The following DNMBP variants were observed in gnomAD, a reference collection of about 807,000 sequenced individuals.
DNMBP encodes dynamin-binding protein.
Under a neutral mutation model 150.0 loss-of-function variants are expected in DNMBP, and 87 were observed. That is an observed-to-expected ratio of 0.58 (90% CI 0.49 to 0.69). DNMBP has a LOEUF of 0.69. Ranked by LOEUF, DNMBP falls within the 30% of genes least tolerant of loss-of-function variation. DNMBP has a pLI of 0.00. For synonymous variants in DNMBP, 711 were observed against 750.4 expected (o/e 0.95, Z 0.86); for missense variants, 1,774 against 1,949.0 (o/e 0.91, Z 1.69).
intron 4 of DNMBP, chr10:99,914,017 T>C: frequency 6.6e-7 from 1 of 1,509,792 alleles, no homozygotes; most frequent in African/African-American, 1.4e-5. Flanking sequence ...CGGGACAGAA[T>C]CTTCCCAGAG....
intron 1 of DNMBP, among the ~76,000 whole-genome samples, chr10:99,975,535 C>T (rs1055975147): frequency 1.3e-5 from 2 of 152,116 alleles, no homozygotes; most frequent in South Asian, 2.1e-4. Context: ...CTTTGTGTTA[C>T]TTATTATAGA....
intron 3 of DNMBP, among the ~76,000 whole-genome samples, chr10:99,962,839 C>G (rs145107607): frequency 6.6e-6 from 1 of 152,150 alleles, no homozygotes; most frequent in Non-Finnish European, 1.5e-5. Flanking sequence ...TAGAATTATG[C>G]TATTTTCCTT....
At chr10:99,916,337 C>T (rs1040863523) in intron 4 of DNMBP, among the ~76,000 whole-genome samples, 1 of 152,216 alleles carries the variant, frequency 6.6e-6, no homozygotes, top group Admixed American at 6.5e-5. Flanking sequence ...GTGGCGTGTG[C>T]CTGTAATCCC....
chr10:99,907,484 C>T (rs2039841449), intron 6 of DNMBP, among the ~76,000 whole-genome samples: 2 of 151,480 alleles, frequency 1.3e-5, no homozygotes, highest in South Asian at 2.1e-4. Flanking sequence ...CTCACTGCAG[C>T]CTCAACCTCC....
intron 4 of DNMBP, among the ~76,000 whole-genome samples, chr10:99,944,131 C>T (rs1436003446): frequency 2.0e-5 from 3 of 152,072 alleles, no homozygotes; most frequent in Admixed American, 6.6e-5. Flanking sequence ...TGACCCACAC[C>T]GAAAGTAGCC....
chr10:99,908,584 T>C (rs1482042813), intron 5 of DNMBP, among the ~76,000 whole-genome samples: 2 of 152,162 alleles, frequency 1.3e-5, no homozygotes, highest in Non-Finnish European at 2.9e-5. Flanking sequence ...CTGGATAAAC[T>C]CTATATGAAC....
intron 4 of DNMBP, among the ~76,000 whole-genome samples, chr10:99,946,303 A>G (rs771589845): frequency 1.3e-5 from 2 of 152,240 alleles, no homozygotes; most frequent in Admixed American, 6.5e-5. Context: ...ACCAACATCA[A>G]CATAAAATGA....
Position 99,957,408 on chromosome 10 carries a change from C to T in DNMBP, c.269-203G>A, listed in dbSNP as rs370222036. The stretch of plus-strand genomic sequence containing the variant: ...TAGTTTTCAGAGTGTTCCATGGAAC[C>T]CTACAGGTGGGTCTCCAAGATCCTA... On this transcript the variant is annotated intron_variant, in intron 3 of 16. Transcript: ENST00000324109. 2.6e-4 allele frequency: 156 copies of T among 598,928 alleles called. 1 individual carries two copies. In the African/African-American group the frequency reaches 2.6e-3, roughly 10 times the overall value. 37.1% of individuals were successfully genotyped at this position (598,928 alleles called of 1,614,324 possible).
At chr10:99,905,354 G>C (rs1396763428) in intron 6 of DNMBP, among the ~76,000 whole-genome samples, 2 of 152,222 alleles carry the variant, frequency 1.3e-5, no homozygotes, top group African/African-American at 4.8e-5. Context: ...AGAAAGACTT[G>C]AGTTTGAATG....
chr10:99,977,458 G>A (rs1315639123), intron 1 of DNMBP, among the ~76,000 whole-genome samples: 1 of 152,178 alleles, frequency 6.6e-6, no homozygotes, highest in South Asian at 2.1e-4. Context: ...AGAGAACACC[G>A]AGGAAATTAC....
At chr10:99,959,320 T>A (rs930455316) in intron 3 of DNMBP, among the ~76,000 whole-genome samples, 3 of 152,092 alleles carry the variant, frequency 2.0e-5, no homozygotes, top group Admixed American at 1.3e-4. Flanking sequence ...AAAAGCTCTT[T>A]GGGAAAAATA....
At chr10:99,975,881 T>G (rs1305753565) in intron 1 of DNMBP, among the ~76,000 whole-genome samples, 1 of 152,230 alleles carries the variant, frequency 6.6e-6, no homozygotes, top group African/African-American at 2.4e-5. Flanking sequence ...TAACAGTGCC[T>G]AACATTCATT....
chr10:99,950,718 G>A (rs1165869244), intron 4 of DNMBP, among the ~76,000 whole-genome samples: 1 of 152,164 alleles, frequency 6.6e-6, no homozygotes, highest in African/African-American at 2.4e-5. Flanking sequence ...TAGGGTATCT[G>A]GCAGAAAAAA....
intron 1 of DNMBP, among the ~76,000 whole-genome samples, chr10:99,999,036 T>C (rs1402580705): frequency 3.9e-5 from 6 of 152,266 alleles, no homozygotes; most frequent in African/African-American, 4.8e-5. Flanking sequence ...GGTTTCTGTC[T>C]GCAGCTGTCA....
At chr10:99,891,154 C>G (rs1246199867) in intron 11 of DNMBP, among the ~76,000 whole-genome samples, 1 of 150,782 alleles carries the variant, frequency 6.6e-6, no homozygotes, top group Non-Finnish European at 1.5e-5. Flanking sequence ...CTAGAACTCC[C>G]TCTCCCTCTC....
chr10:99,964,135 CTTTTTT>C (rs895801002), intron 3 of DNMBP, among the ~76,000 whole-genome samples: 1 of 87,236 alleles, frequency 1.1e-5, no homozygotes, highest in South Asian at 4.3e-4. Context: ...TATTCTCTCT[CTTTTTT>C]TTTTTTTTTT....
intron 4 of DNMBP, among the ~76,000 whole-genome samples, chr10:99,931,999 G>C (rs773652893): frequency 7.9e-5 from 12 of 152,228 alleles, no homozygotes; most frequent in African/African-American, 9.6e-5. Flanking sequence ...GAAAATAAGA[G>C]AGGAGGCTGA....
At chr10:99,894,876 G>T in intron 11 of DNMBP, 70 bp downstream of exon 11, 1 of 1,198,414 alleles carries the variant, frequency 8.3e-7, no homozygotes, top group Non-Finnish European at 1.2e-6. Flanking sequence ...TAAACAATAT[G>T]ACTGATGAAC....
rs556632845 is a variant in DNMBP, at chr10:99,907,895, C to T, written c.2554+100G>A. On this transcript the variant is annotated intron_variant, in intron 6 of 16. Transcript: ENST00000324109. Reference sequence around the variant, plus strand: ...CTGGACTAAGTACCTACACCTGTATCTTCCCGGAGGCATAGTTACTCAGTA... The same window carrying T: ...CTGGACTAAGTACCTACACCTGTATTTTCCCGGAGGCATAGTTACTCAGTA... 6 of 803,200 alleles carry T rather than the reference C, an allele frequency of 7.5e-6. No homozygotes were observed. The East Asian group carries it at 1.5e-4, about 20-fold the overall frequency. 49.8% of individuals were successfully genotyped at this position (803,200 alleles called of 1,614,324 possible).
Sources: allele counts gnomAD v4.1 joint callset (sites outside exome capture counted in the v4.1 genomes callset), GRCh38; gene constraint gnomAD v4.1.1; transcripts MANE v1.5; gene names NCBI Gene and HGNC (gene_info 2026-07-23, HGNC 2026-07-21).